The following LGALS3BP variants were observed in gnomAD, a reference collection of about 807,000 sequenced individuals.
LGALS3BP encodes the protein galectin-3-binding protein.
In LGALS3BP, 25 loss-of-function variants were observed where a neutral mutation model predicts 22.9. That is an observed-to-expected ratio of 1.09 (90% CI 0.80 to 1.53). The LOEUF is 1.53. Ranked by LOEUF, LGALS3BP falls within the 40% of genes most tolerant of loss-of-function variation. The pLI, the probability that LGALS3BP is intolerant of heterozygous loss-of-function variation, is 0.00. For synonymous variants in LGALS3BP, 335 were observed against 331.1 expected (o/e 1.01, Z -0.13); for missense variants, 718 against 752.0 (o/e 0.95, Z 0.53).
At position 78,976,331 on chromosome 17, in the gene LGALS3BP, C is replaced by T. The variant is rs941891905; in HGVS notation, c.53-175G>A. Among the ~76,000 whole-genome samples, 1 of 152,120 alleles carries T rather than the reference C, an allele frequency of 6.6e-6. No individual in the cohort carries two copies. Among genetic ancestry groups the T allele is most frequent in the Non-Finnish European group, 1.5e-5 (1 of 68,030 alleles). On this transcript the variant is annotated intron_variant, in intron 2 of 5. Transcript: ENST00000262776. The surrounding 1 kb of genome is among the most constrained non-coding windows in gnomAD (Gnocchi z 4.6). ...ATGAGGGAGGAGTGGAAGATACATA[C>T]AGCCCCCCCTACCCCGCAAGGAGGC...
In LGALS3BP at chr17:78,975,951, A is replaced by G; in HGVS notation, c.244+14T>C. On this transcript the variant is annotated intron_variant, in intron 3 of 5. Coordinates refer to ENST00000262776, the MANE Select transcript of LGALS3BP (RefSeq NM_005567.4). The stretch of plus-strand genomic sequence containing the variant: ...TGGGTCTCAGCCTCAGTGGAAGGGG[A>G]CAGCAGGCCCTACCTTGCCCGAAGG... The G allele has an allele frequency of 6.3e-7, 1 of 1,587,634 alleles. No individual in the cohort carries two copies. The highest frequency in any genetic ancestry group is 8.6e-7 in the Non-Finnish European group (1 of 1,167,202).
chr17:78,976,093 A>G lies in LGALS3BP; in HGVS notation c.116T>C (p.Ile39Thr), dbSNP rs1401794007. The change falls in exon 3 of 6, where the codon ATC (isoleucine) becomes ACC (threonine). Residue 39 changes from isoleucine (I) to threonine (T), a missense_variant. Ile to Thr is a moderately conservative substitution (Grantham distance 89). Transcript: ENST00000262776. This position sits in a 1 kb window ranked among gnomAD's most constrained non-coding sequence, Gnocchi z 4.6. ...GGATNQGRVE[I>T]FYRGQWGTVC... ...AGTGCCCCACTGGCCTCTGTAGAAG[A>G]TCTCCACGCGGCCCTGGTTGGTGGC... 1.2e-6 allele frequency: 2 copies of G among 1,607,186 alleles called. No homozygotes were observed. Among genetic ancestry groups the G allele is most frequent in the Non-Finnish European group, 8.5e-7 (1 of 1,177,606 alleles).
intron 1 of LGALS3BP, among the ~76,000 whole-genome samples, chr17:78,979,116 C>T (rs1197413637): frequency 6.6e-6 from 1 of 151,914 alleles, no homozygotes. Context: ...CGTCGCTGCC[C>T]TTTGTGTGGC....
At position 78,973,177 on chromosome 17, in the gene LGALS3BP, T is replaced by C. The variant is rs2070690428; in HGVS notation, c.422A>G (p.Glu141Gly). 1.3e-6 allele frequency: 2 copies of C among 1,597,908 alleles called. No homozygotes were observed. The highest frequency in any genetic ancestry group is 2.7e-5 in the African/African-American group (2 of 74,782). The change falls in exon 5 of 6, where the codon GAG (glutamate) becomes GGG (glycine). Residue 141 changes from glutamate (E) to glycine (G), a missense_variant. Coordinates refer to ENST00000262776, the MANE Select transcript of LGALS3BP (RefSeq NM_005567.4). The surrounding 1 kb of genome is among the most constrained non-coding windows in gnomAD (Gnocchi z 5.8). ...GCTGTCAAAGATCTGGCCAAGGGCCTCCGAGAGCTCCCTGGAGAGGTCCAG... is the reference window on the plus strand; with the variant it reads ...GCTGTCAAAGATCTGGCCAAGGGCCCCCGAGAGCTCCCTGGAGAGGTCCAG... ...HTLDLSRELS[E>G]ALGQIFDSQR...
In LGALS3BP at chr17:78,979,001, G is replaced by A. The variant is rs1046168673; in HGVS notation, c.-24+823C>T. On this transcript the variant is annotated intron_variant, in intron 1 of 5. Transcript: ENST00000262776. Reference sequence around the variant, plus strand: ...GAGGCAACAGAATTGCTTGAATCCGGCAGGCAGAGATTGTAGTGAGCCGCT... The same window carrying A: ...GAGGCAACAGAATTGCTTGAATCCGACAGGCAGAGATTGTAGTGAGCCGCT... Among the ~76,000 whole-genome samples, 6 of 152,026 alleles carry A rather than the reference G, an allele frequency of 3.9e-5. 1 individual carries two copies. The highest frequency in any genetic ancestry group is 2.0e-4 in the Admixed American group (3 of 15,268).
intron 1 of LGALS3BP, among the ~76,000 whole-genome samples, chr17:78,977,820 G>A (rs1481994550): frequency 6.6e-6 from 1 of 152,100 alleles, no homozygotes; most frequent in African/African-American, 2.4e-5. Flanking sequence ...TGTTCCGATG[G>A]GGAAGATAGA....
Position 78,976,933 on chromosome 17 carries a change from T to A in LGALS3BP, c.52+207A>T. ...ATTCCCTAGTGTCCTCTCTATAACC[T>A]GCATCTCACCTGAACCCAGGTGAGC... On this transcript the variant is annotated intron_variant, in intron 2 of 5. Coordinates refer to ENST00000262776, the MANE Select transcript of LGALS3BP (RefSeq NM_005567.4). The surrounding 1 kb of genome is among the most constrained non-coding windows in gnomAD (Gnocchi z 4.6). The A allele has an allele frequency of 1.6e-6, 1 of 609,454 alleles. No individual in the cohort carries two copies. Among genetic ancestry groups the A allele is most frequent in the Non-Finnish European group, 2.9e-6 (1 of 339,322 alleles). 37.8% of individuals were successfully genotyped at this position (609,454 alleles called of 1,614,324 possible). A position where few individuals can be genotyped will look rare whatever the true frequency, so the allele number is the denominator to read the frequency against.
chr17:78,973,166 G>C lies in LGALS3BP; in HGVS notation c.433C>G (p.Gln145Glu). 1.2e-6 allele frequency: 2 copies of C among 1,606,894 alleles called. No homozygotes were observed. Among genetic ancestry groups the C allele is most frequent in the Non-Finnish European group, 1.7e-6 (2 of 1,177,266 alleles). ...CAGCCCCGCTGGCTGTCAAAGATCT[G>C]GCCAAGGGCCTCCGAGAGCTCCCTG... is the stretch of plus-strand genomic sequence containing the variant. Reference protein sequence around the residue: ...LSRELSEALGQIFDSQRGCDL... With the variant: ...LSRELSEALGEIFDSQRGCDL... The change falls in exon 5 of 6, where the codon CAG becomes GAG. Residue 145 changes from glutamine to glutamate, a missense_variant. Transcript: ENST00000262776. The surrounding 1 kb of genome is among the most constrained non-coding windows in gnomAD (Gnocchi z 5.8).
At chr17:78,977,236 G>A (rs751338623) in intron 1 of LGALS3BP, 22 bp from the exon 2 acceptor site, 12 of 1,601,628 alleles carry the variant, frequency 7.5e-6, no homozygotes, top group East Asian at 6.7e-5. Context: ...AGAAGCGGAG[G>A]GGTGAGGCAC....
chr17:78,971,297 A>G lies in LGALS3BP; in HGVS notation c.*279T>C. 1 of 494,508 alleles carries G rather than the reference A, an allele frequency of 2.0e-6. No homozygotes were observed. The highest frequency in any genetic ancestry group is 3.6e-6 in the Non-Finnish European group (1 of 275,928). 30.6% of individuals were successfully genotyped at this position (494,508 alleles called of 1,614,324 possible). A position where few individuals can be genotyped will look rare whatever the true frequency, so the allele number is the denominator to read the frequency against. ...TTTTAATGACCTCAGACCAGTGACAAGGGCAGACTGACCAGGGGCTGTGGG... is the reference window on the plus strand; with the variant it reads ...TTTTAATGACCTCAGACCAGTGACAGGGGCAGACTGACCAGGGGCTGTGGG... On this transcript the variant is annotated 3_prime_UTR_variant, in exon 6 of 6. Transcript: ENST00000262776. The surrounding 1 kb of genome is among the most constrained non-coding windows in gnomAD (Gnocchi z 5.6).
chr17:78,976,104 G>T lies in LGALS3BP; in HGVS notation c.105C>A (p.Gly35=), dbSNP rs1220266200. ...GGCCTCTGTAGAAGATCTCCACGCG[G>T]CCCTGGTTGGTGGCGCCCCCATCGG... ...RLADGGATNQ[G]RVEIFYRGQW... Residue 35 remains glycine, a synonymous_variant, in exon 3 of 6, where the codon GGC becomes GGA. Coordinates refer to ENST00000262776, the MANE Select transcript of LGALS3BP (RefSeq NM_005567.4). This position sits in a 1 kb window ranked among gnomAD's most constrained non-coding sequence, Gnocchi z 4.6. 1.2e-6 allele frequency: 2 copies of T among 1,603,032 alleles called. No homozygotes were observed. The highest frequency in any genetic ancestry group is 1.3e-5 in the African/African-American group (1 of 74,724).
At position 78,972,713 on chromosome 17, in the gene LGALS3BP, AAAG is replaced by A. The variant is rs2070685048; in HGVS notation, c.630-12_630-10del. The A allele has an allele frequency of 2.0e-6, 3 of 1,514,968 alleles. No individual in the cohort carries two copies. The highest frequency in any genetic ancestry group is 2.2e-5 in the Admixed American group (1 of 44,506). The allele number at this position is 1,514,968 out of a possible 1,614,324, so 93.8% of individuals were successfully genotyped here. A position where few individuals can be genotyped will look rare whatever the true frequency, so the allele number is the denominator to read the frequency against. On this transcript the variant is annotated splice_polypyrimidine_tract_variant and intron_variant, in intron 5 of 5. Transcript: ENST00000262776. This position sits in a 1 kb window ranked among gnomAD's most constrained non-coding sequence, Gnocchi z 5.1. ...TTCGGGAGTAGAAGTACCTGGGGAG[AAAG>A]AAGGAGAGCAGATGCCGGCCCCACA...
rs547033304 is a variant in LGALS3BP, at chr17:78,972,057, C to T, written c.1277G>A (p.Arg426Gln). ...GGACTGATAGACCAGTTGTGACTTC[C>T]GTGCACTCCAGGAACTGTCTGTCAC... ...AFVTDSSWSA[R>Q]KSQLVYQSRR... is the part of the protein sequence containing the mutation. The change falls in exon 6 of 6, where the codon CGG (arginine) becomes CAG (glutamine). Residue 426 changes from arginine to glutamine, a missense_variant. Arg to Gln is a conservative substitution (Grantham distance 43, BLOSUM62 1). Transcript: ENST00000262776. This position sits in a 1 kb window ranked among gnomAD's most constrained non-coding sequence, Gnocchi z 5.1. The T allele has an allele frequency of 9.3e-6, 15 of 1,614,022 alleles. No individual in the cohort carries two copies. Among genetic ancestry groups the T allele is most frequent in the South Asian group, 4.4e-5 (4 of 91,074 alleles).
At chr17:78,974,027 C>T (rs1360522361) in intron 4 of LGALS3BP, among the ~76,000 whole-genome samples, 2 of 152,264 alleles carry the variant, frequency 1.3e-5, no homozygotes, top group East Asian at 3.8e-4. Context: ...GGGCTTCCCC[C>T]ACTGTGAGTC....
In LGALS3BP at chr17:78,977,167, C is replaced by T. The variant is rs55974249; in HGVS notation, c.25G>A (p.Val9Met). 0.026 allele frequency: 41,148 copies of T among 1,613,324 alleles called. 630 individuals are homozygous for T. The highest frequency in any genetic ancestry group is 0.031 in the Non-Finnish European group (36,504 of 1,179,980). ...TGGGTTCCTGCAACCAGCAGCCACA[C>T]CCAGAAGAGCCTCGGAGGGGTCATG... The part of the protein sequence containing the change: MTPPRLFW[V>M]WLLVAGTQGV... Residue 9 changes from valine to methionine, a missense_variant, in exon 2 of 6, where the codon GTG (valine) becomes ATG (methionine). By Grantham distance (21) the Val-to-Met change is conservative (BLOSUM62 1). Coordinates refer to ENST00000262776, the MANE Select transcript of LGALS3BP (RefSeq NM_005567.4).
Position 78,973,455 on chromosome 17 carries a change from C to T in LGALS3BP, c.377-233G>A. On this transcript the variant is annotated intron_variant, in intron 4 of 5. Coordinates refer to ENST00000262776, the MANE Select transcript of LGALS3BP (RefSeq NM_005567.4). The surrounding 1 kb of genome is among the most constrained non-coding windows in gnomAD (Gnocchi z 5.8). ...CAGCTAGGACCTGGCCAAGCCTGTC[C>T]AGGCCCCCGCTTTAGGCCCTCTGCT... 1 of 525,252 alleles carries T rather than the reference C, an allele frequency of 1.9e-6. No individual in the cohort carries two copies. Among genetic ancestry groups the T allele is most frequent in the Non-Finnish European group, 3.4e-6 (1 of 296,682 alleles). 32.5% of individuals were successfully genotyped at this position (525,252 alleles called of 1,614,324 possible). A position where few individuals can be genotyped will look rare whatever the true frequency, so the allele number is the denominator to read the frequency against.
chr17:78,973,597 C>G lies in LGALS3BP; in HGVS notation c.377-375G>C, dbSNP rs2070694654. On this transcript the variant is annotated intron_variant, in intron 4 of 5. Coordinates refer to ENST00000262776, the MANE Select transcript of LGALS3BP (RefSeq NM_005567.4). The surrounding 1 kb of genome is among the most constrained non-coding windows in gnomAD (Gnocchi z 5.8). ...TCACCACTAACACCAAAACCACTGCCTGCTTAGATGGCCTGAAAAGTTAGG... is the reference window on the plus strand; with the variant it reads ...TCACCACTAACACCAAAACCACTGCGTGCTTAGATGGCCTGAAAAGTTAGG... 6.6e-6 allele frequency among the ~76,000 whole-genome samples: 1 copy of G among 152,174 alleles called. No individual in the cohort carries two copies. The highest frequency in any genetic ancestry group is 6.5e-5 in the Admixed American group (1 of 15,274).
rs777765445 is a variant in LGALS3BP, at chr17:78,973,196, G to A, written c.403C>T (p.Leu135Phe). 2 of 1,573,464 alleles carry A rather than the reference G, an allele frequency of 1.3e-6. No homozygotes were observed. The highest frequency in any genetic ancestry group is 3.7e-5 in the Admixed American group (2 of 54,156). Residue 135 changes from leucine (L) to phenylalanine (F), a missense_variant, in exon 5 of 6, where the codon CTC becomes TTC. Physicochemically the swap from Leu to Phe is conservative, Grantham distance 22. Coordinates refer to ENST00000262776, the MANE Select transcript of LGALS3BP (RefSeq NM_005567.4). The surrounding 1 kb of genome is among the most constrained non-coding windows in gnomAD (Gnocchi z 5.8). Reference sequence around the variant, plus strand: ...AGGGCCTCCGAGAGCTCCCTGGAGAGGTCCAGGGTGTGGGTGCTCCTGGTT... The same window carrying A: ...AGGGCCTCCGAGAGCTCCCTGGAGAAGTCCAGGGTGTGGGTGCTCCTGGTT... ...NETRSTHTLDLSRELSEALGQ... is the reference protein window; with the variant it reads ...NETRSTHTLDFSRELSEALGQ...
chr17:78,976,133 G>T lies in LGALS3BP; in HGVS notation c.76C>A (p.Leu26Met). The change falls in exon 3 of 6, where the codon CTG becomes ATG. Residue 26 changes from leucine (L) to methionine (M), a missense_variant. By Grantham distance (15) the Leu-to-Met change is conservative. Coordinates refer to ENST00000262776, the MANE Select transcript of LGALS3BP (RefSeq NM_005567.4). The surrounding 1 kb of genome is among the most constrained non-coding windows in gnomAD (Gnocchi z 4.6). ...TGGTTGGTGGCGCCCCCATCGGCCA[G>T]CCGCATGTCACCATCGTTCACGCCT... ...TQGVNDGDMR[L>M]ADGGATNQGR... 6.3e-7 allele frequency: 1 copy of T among 1,589,174 alleles called. No individual in the cohort carries two copies. The highest frequency in any genetic ancestry group is 2.3e-5 in the East Asian group (1 of 43,406).
Sources: allele counts gnomAD v4.1 joint callset (sites outside exome capture counted in the v4.1 genomes callset), GRCh38; gene constraint gnomAD v4.1.1; non-coding constraint Gnocchi (gnomAD v3.1); transcripts MANE v1.5; gene names NCBI Gene and HGNC (gene_info 2026-07-23, HGNC 2026-07-21).